The following SLIT3 variants were observed in gnomAD, a reference collection of about 807,000 sequenced individuals.
SLIT3 encodes slit homolog 3 protein.
SLIT3 carries 68 observed loss-of-function variants against 184.0 expected under a neutral mutation model. The ratio of observed to expected loss-of-function variants is 0.37; its 90% CI spans 0.30 to 0.45. The LOEUF (loss-of-function observed/expected upper bound fraction) is 0.45, where lower values mean the gene tolerates loss of function less well. Ranked by LOEUF, SLIT3 falls within the 20% of genes least tolerant of loss-of-function variation. The pLI is 1.00. For missense variants in SLIT3, 1,707 were observed against 2,026.0 expected (o/e 0.84, Z 3.02); for synonymous variants, 831 against 828.6 (o/e 1.00, Z -0.05).
intron 4 of SLIT3, among the ~76,000 whole-genome samples, chr5:169,129,501 G>A (rs1040011218): frequency 6.6e-6 from 1 of 152,092 alleles, no homozygotes; most frequent in African/African-American, 2.4e-5. Flanking sequence ...GCAGTGAGAC[G>A]AGATTGCGCC....
intron 23 of SLIT3, among the ~76,000 whole-genome samples, chr5:168,716,914 T>C (rs1762756703): frequency 2.0e-5 from 3 of 148,584 alleles, no homozygotes; most frequent in Admixed American, 6.6e-5. Context: ...TGCCTGTGCC[T>C]TGGGGCTACT....
chr5:169,262,870 A>T (rs1362168782), intron 1 of SLIT3, among the ~76,000 whole-genome samples: 2 of 152,190 alleles, frequency 1.3e-5, no homozygotes, highest in African/African-American at 4.8e-5. Flanking sequence ...GCGTCCATTT[A>T]AATCCTACTG....
chr5:169,060,448 T>C (rs1026090466), intron 4 of SLIT3, among the ~76,000 whole-genome samples: 1 of 152,228 alleles, frequency 6.6e-6, no homozygotes, highest in Non-Finnish European at 1.5e-5. Flanking sequence ...TTGTTGCTTA[T>C]GAACTACCCA....
At chr5:169,109,314 C>A (rs1226809113) in intron 4 of SLIT3, among the ~76,000 whole-genome samples, 3 of 152,134 alleles carry the variant, frequency 2.0e-5, no homozygotes, top group Admixed American at 2.0e-4. Context: ...TGGTTTCTCA[C>A]CAACAGCCAG....
At chr5:169,135,088 G>C (rs1228689457) in intron 4 of SLIT3, among the ~76,000 whole-genome samples, 1 of 152,148 alleles carries the variant, frequency 6.6e-6, no homozygotes, top group Non-Finnish European at 1.5e-5. Flanking sequence ...ATGAGAGGGT[G>C]GACTTGATCA....
chr5:168,716,507 ACTC>A (rs752525601), intron 23 of SLIT3, among the ~76,000 whole-genome samples: 11 of 151,992 alleles, frequency 7.2e-5, no homozygotes, highest in Non-Finnish European at 5.9e-5. Flanking sequence ...CACTGTCATG[ACTC>A]CTCCTCTATG....
intron 4 of SLIT3, among the ~76,000 whole-genome samples, chr5:169,150,754 T>C (rs1003200627): frequency 6.6e-6 from 1 of 152,192 alleles, no homozygotes; most frequent in Non-Finnish European, 1.5e-5. Context: ...AGTTCACATC[T>C]GCATAAGAGA....
intron 20 of SLIT3, among the ~76,000 whole-genome samples, chr5:168,738,794 C>T (rs185353120): frequency 0.01 from 1,581 of 152,084 alleles, 32 homozygotes; most frequent in African/African-American, 0.036. Flanking sequence ...AAAAATTAGC[C>T]GGGCGCGGTG....
At chr5:168,690,673 C>T (rs1229736281) in intron 29 of SLIT3, among the ~76,000 whole-genome samples, 1 of 152,086 alleles carries the variant, frequency 6.6e-6, no homozygotes, top group African/African-American at 2.4e-5. Context: ...TATCTCTCAC[C>T]CTTGTACTCA....
chr5:168,817,021 A>C (rs1561948757), intron 8 of SLIT3, among the ~76,000 whole-genome samples: 1 of 151,588 alleles, frequency 6.6e-6, no homozygotes, highest in Non-Finnish European at 1.5e-5. Context: ...GGCTCAACAA[A>C]TGTTCGGTTT....
intron 4 of SLIT3, among the ~76,000 whole-genome samples, chr5:168,956,995 G>A (rs1414682244): frequency 2.6e-5 from 4 of 151,470 alleles, no homozygotes; most frequent in South Asian, 4.2e-4. Flanking sequence ...TTGGGAGGCC[G>A]AGGCAGGTGG....
chr5:169,137,335 C>CACACACAGAGAGAGAGAGAGAG (rs368371904), intron 4 of SLIT3, among the ~76,000 whole-genome samples: 1 of 138,552 alleles, frequency 7.2e-6, no homozygotes, highest in African/African-American at 2.8e-5. Context: ...CACACACACA[C>CACACACAGAGAGAGAGAGAGAG]AGAGAGAGAG....
At chr5:169,174,563 C>T (rs1267791313) in intron 4 of SLIT3, among the ~76,000 whole-genome samples, 2 of 152,170 alleles carry the variant, frequency 1.3e-5, no homozygotes, top group African/African-American at 4.8e-5. Flanking sequence ...AAATGGGATA[C>T]CACTAATACC....
Position 168,711,536 on chromosome 5 carries a change from T to A in SLIT3, c.2556-478A>T, listed in dbSNP as rs538203405. On this transcript the variant is annotated intron_variant, in intron 24 of 35. Transcript: ENST00000519560. ...ATACTAGAAATTCTGTTTTTTTTTT[T>A]AAATTATATCCTTTAACAATTCTAC... is the stretch of plus-strand genomic sequence containing the variant. 3.9e-4 allele frequency among the ~76,000 whole-genome samples: 59 copies of A among 152,260 alleles called. No homozygotes were observed. The South Asian group carries it at 5.2e-3, about 13-fold the overall frequency.
At chr5:168,788,271 T>C in intron 11 of SLIT3, among the ~76,000 whole-genome samples, 1 of 152,168 alleles carries the variant, frequency 6.6e-6, no homozygotes, top group East Asian at 1.9e-4. Flanking sequence ...ATCTTTGATA[T>C]CCCAGCCAGA....
chr5:168,762,502 GGGA>G, intron 15 of SLIT3, 34 bp downstream of exon 15: 1 of 1,597,066 alleles, frequency 6.3e-7, no homozygotes, highest in Non-Finnish European at 8.6e-7. Context: ...CTGGCGTGTG[GGGA>G]GGAGTAGGGA....
At chr5:168,975,489 C>A (rs1014840047) in intron 4 of SLIT3, among the ~76,000 whole-genome samples, 1 of 151,574 alleles carries the variant, frequency 6.6e-6, no homozygotes, top group Non-Finnish European at 1.5e-5. Flanking sequence ...ACATAGACAC[C>A]CCTACACAGA....
intron 1 of SLIT3, among the ~76,000 whole-genome samples, chr5:169,254,470 C>T (rs12516186): frequency 0.46 from 69,243 of 151,026 alleles, 16,496 homozygotes; most frequent in Middle Eastern, 0.62. Flanking sequence ...AACATGTCTG[C>T]CATTTCTTTC....
Position 169,024,435 on chromosome 5 carries a change from G to A in SLIT3, c.414-141099C>T, listed in dbSNP as rs1285640348. The A allele has an allele frequency of 5.9e-5, 9 of 152,274 alleles. No individual in the cohort carries two copies. The East Asian group carries it at 9.7e-4, about 16-fold the overall frequency. The allele number at this position is 152,274 out of a possible 1,614,324, so 9.4% of individuals were successfully genotyped here. A position where few individuals can be genotyped will look rare whatever the true frequency, so the allele number is the denominator to read the frequency against. ...GGCAAACTTTTCCACGGGGGAGAGA[G>A]CTATCAGTCAAAAACTTCTCACTGG... On this transcript the variant is annotated intron_variant, in intron 4 of 35. Coordinates refer to ENST00000519560, the MANE Select transcript of SLIT3 (RefSeq NM_003062.4).
Sources: allele counts gnomAD v4.1 joint callset (sites outside exome capture counted in the v4.1 genomes callset), GRCh38; gene constraint gnomAD v4.1.1; transcripts MANE v1.5; gene names NCBI Gene and HGNC (gene_info 2026-07-23, HGNC 2026-07-21).